The following GABBR2 variants were observed in gnomAD, a reference collection of about 807,000 sequenced individuals.
GABBR2 encodes gamma-aminobutyric acid type B receptor subunit 2.
A neutral mutation model predicts 105.6 loss-of-function variants in GABBR2; 23 were observed. That is an observed-to-expected ratio of 0.22 (90% confidence interval 0.16 to 0.31). GABBR2 has a LOEUF of 0.31. Ranked by LOEUF, GABBR2 falls within the 10% of genes least tolerant of loss-of-function variation. The probability of loss-of-function intolerance (pLI) is 1.00; values close to 1 mark genes in which losing one functional copy is unlikely to be tolerated. For synonymous variants in GABBR2, 478 were observed against 499.7 expected (o/e 0.96, Z 0.58); for missense variants, 734 against 1,245.5 (o/e 0.59, Z 6.18).
intron 3 of GABBR2, among the ~76,000 whole-genome samples, chr9:98,527,535 T>C (rs1827984102): frequency 6.6e-6 from 1 of 152,092 alleles, no homozygotes; most frequent in African/African-American, 2.4e-5. Context: ...TGTGGATATA[T>C]ACATCAATAG....
intron 7 of GABBR2, among the ~76,000 whole-genome samples, chr9:98,418,886 T>C (rs767549093): frequency 6.6e-6 from 1 of 152,332 alleles, no homozygotes; most frequent in Non-Finnish European, 1.5e-5. Flanking sequence ...CCCCCACCCA[T>C]GGTTCCTTCT....
intron 1 of GABBR2, among the ~76,000 whole-genome samples, chr9:98,682,767 G>A (rs1056712354): frequency 6.6e-6 from 1 of 152,076 alleles, no homozygotes; most frequent in Non-Finnish European, 1.5e-5. Flanking sequence ...AGAGATACAA[G>A]TCAATTCACT....
chr9:98,643,851 C>T (rs1357801787), intron 1 of GABBR2, among the ~76,000 whole-genome samples: 1 of 152,158 alleles, frequency 6.6e-6, no homozygotes, highest in Non-Finnish European at 1.5e-5. Flanking sequence ...CATGTTGCCA[C>T]CAAGAGGAGA....
intron 13 of GABBR2, among the ~76,000 whole-genome samples, chr9:98,320,070 C>A (rs1391783976): frequency 6.6e-6 from 1 of 151,912 alleles, no homozygotes; most frequent in African/African-American, 2.4e-5. Flanking sequence ...ATTTTCGCAA[C>A]CTACTCATCT....
chr9:98,406,474 G>A (rs1832492626), intron 7 of GABBR2, among the ~76,000 whole-genome samples: 1 of 152,252 alleles, frequency 6.6e-6, no homozygotes, highest in Non-Finnish European at 1.5e-5. Flanking sequence ...TGGGGTGCTG[G>A]AAAGATGACG....
Position 98,388,769 on chromosome 9 carries a change from A to C in GABBR2, c.1529+85T>G. 9.5e-7 allele frequency: 1 copy of C among 1,056,896 alleles called. No individual in the cohort carries two copies. The highest frequency in any genetic ancestry group is 1.4e-6 in the Non-Finnish European group (1 of 729,152). 65.5% of individuals were successfully genotyped at this position (1,056,896 alleles called of 1,614,324 possible). On this transcript the variant is annotated intron_variant, in intron 10 of 18. Coordinates refer to ENST00000259455, the MANE Select transcript of GABBR2 (RefSeq NM_005458.8). The surrounding 1 kb of genome is among the most constrained non-coding windows in gnomAD (Gnocchi z 4.4). ...CTGCAGACTTCTGTGTCCCTGGGGA[A>C]TCTGTCATGTGGCACTCCTATACTG...
intron 13 of GABBR2, among the ~76,000 whole-genome samples, chr9:98,334,796 C>G: frequency 6.6e-6 from 1 of 152,222 alleles, no homozygotes; most frequent in South Asian, 2.1e-4. Flanking sequence ...AATGTTTCAT[C>G]CTTTGTCAAG....
chr9:98,640,906 C>T (rs1829951465), intron 1 of GABBR2, among the ~76,000 whole-genome samples: 2 of 152,128 alleles, frequency 1.3e-5, no homozygotes, highest in Admixed American at 1.3e-4. Context: ...CTGAATATGG[C>T]TGAGTTTCTG....
chr9:98,697,996 T>C (rs1389843999), intron 1 of GABBR2, among the ~76,000 whole-genome samples: 1 of 152,228 alleles, frequency 6.6e-6, no homozygotes, highest in Non-Finnish European at 1.5e-5. Flanking sequence ...ATTTGGATAA[T>C]ACAGTGATGA....
intron 13 of GABBR2, among the ~76,000 whole-genome samples, chr9:98,326,431 C>G (rs1246489591): frequency 2.0e-5 from 3 of 152,196 alleles, no homozygotes; most frequent in African/African-American, 7.2e-5. Flanking sequence ...GTGGTAGAGG[C>G]TGATGCCACC....
intron 1 of GABBR2, chr9:98,581,164 A>T (rs1828996139): frequency 6.6e-6 from 1 of 152,430 alleles, no homozygotes; most frequent in Admixed American, 6.5e-5. Context: ...AGGCAGATCC[A>T]GGCTGTGGGC....
At chr9:98,510,621 C>G (rs1235273016) in intron 3 of GABBR2, among the ~76,000 whole-genome samples, 1 of 151,912 alleles carries the variant, frequency 6.6e-6, no homozygotes, top group Non-Finnish European at 1.5e-5. Flanking sequence ...GGTTGCAATC[C>G]TAGTCTCTGA....
chr9:98,581,738 A>C (rs1829006711), intron 1 of GABBR2, among the ~76,000 whole-genome samples: 1 of 152,072 alleles, frequency 6.6e-6, no homozygotes, highest in Non-Finnish European at 1.5e-5. Flanking sequence ...ACATTTCTGT[A>C]ATGACTTTGG....
At chr9:98,384,206 A>G (rs1832030578) in intron 11 of GABBR2, among the ~76,000 whole-genome samples, 1 of 152,216 alleles carries the variant, frequency 6.6e-6, no homozygotes, top group Non-Finnish European at 1.5e-5. Context: ...CCATTTGGAC[A>G]GATCATAGTC....
chr9:98,377,658 C>G (rs1474697023), intron 11 of GABBR2, among the ~76,000 whole-genome samples: 1 of 152,182 alleles, frequency 6.6e-6, no homozygotes, highest in Non-Finnish European at 1.5e-5. Context: ...TGAGCAGAGC[C>G]AGGGGTTGGA....
At chr9:98,649,248 A>G (rs978344135) in intron 1 of GABBR2, among the ~76,000 whole-genome samples, 1 of 152,242 alleles carries the variant, frequency 6.6e-6, no homozygotes, top group African/African-American at 2.4e-5. Flanking sequence ...TTCTTTTTTC[A>G]GAAAGATAAC....
chr9:98,400,453 C>T (rs190179945), intron 8 of GABBR2, among the ~76,000 whole-genome samples: 146 of 152,248 alleles, frequency 9.6e-4, no homozygotes, highest in African/African-American at 3.4e-3. Context: ...GGCCATTCTG[C>T]AGAGCAACCT....
intron 7 of GABBR2, among the ~76,000 whole-genome samples, chr9:98,419,177 G>A (rs544898420): frequency 6.6e-6 from 1 of 152,318 alleles, no homozygotes; most frequent in East Asian, 1.9e-4. Flanking sequence ...AGCTCAGGCA[G>A]GAAGAGAAAA....
intron 1 of GABBR2, among the ~76,000 whole-genome samples, chr9:98,646,401 T>C (rs1830029159): frequency 6.6e-6 from 1 of 152,194 alleles, no homozygotes; most frequent in Non-Finnish European, 1.5e-5. Flanking sequence ...GAGTGTGTCC[T>C]ATGTGACTCC....
Sources: allele counts gnomAD v4.1 joint callset (sites outside exome capture counted in the v4.1 genomes callset), GRCh38; gene constraint gnomAD v4.1.1; non-coding constraint Gnocchi (gnomAD v3.1); transcripts MANE v1.5; gene names NCBI Gene and HGNC (gene_info 2026-07-23, HGNC 2026-07-21).